CCDC3: variants seen among roughly 807,000 people sequenced by gnomAD.
The protein encoded by CCDC3 is coiled-coil domain-containing protein 3.
A neutral mutation model predicts 21.4 loss-of-function variants in CCDC3; 24 were observed. That is an observed-to-expected ratio of 1.12 (90% CI 0.81 to 1.58). The LOEUF (loss-of-function observed/expected upper bound fraction) is 1.58. Ranked by LOEUF, CCDC3 falls within the 40% of genes most tolerant of loss-of-function variation. CCDC3 has a pLI of 0.00. For synonymous variants in CCDC3, 186 were observed against 166.0 expected (o/e 1.12, Z -0.93); for missense variants, 425 against 360.9 (o/e 1.18, Z -1.44).
chr10:13,097,610 G>A (rs1832644506), intron 3 of CCDC3, among the ~76,000 whole-genome samples: 2 of 152,190 alleles, frequency 1.3e-5, no homozygotes. Context: ...TGTAATCCCA[G>A]CCACTTGGGA....
intron 5 of CCDC3, among the ~76,000 whole-genome samples, chr10:13,028,956 C>T (rs1836262316): frequency 1.3e-5 from 2 of 152,160 alleles, no homozygotes; most frequent in Admixed American, 6.6e-5. Context: ...TCCATAATTC[C>T]AGCTGCCAGC....
intron 5 of CCDC3, among the ~76,000 whole-genome samples, chr10:13,012,982 T>A (rs942714613): frequency 1.3e-5 from 2 of 152,174 alleles, no homozygotes; most frequent in Non-Finnish European, 2.9e-5. Flanking sequence ...AAACTTAAAA[T>A]TTTTATATTC....
chr10:13,022,342 C>T (rs560935313), intron 5 of CCDC3, among the ~76,000 whole-genome samples: 1 of 152,196 alleles, frequency 6.6e-6, no homozygotes, highest in African/African-American at 2.4e-5. Flanking sequence ...CTTGCTCCCT[C>T]CTTAAAGTTA....
chr10:13,088,375 G>A (rs1295178355), intron 3 of CCDC3, among the ~76,000 whole-genome samples: 3 of 152,186 alleles, frequency 2.0e-5, no homozygotes, highest in African/African-American at 2.4e-5. Flanking sequence ...AAAAGGAAAC[G>A]TGAATTGAGC....
intron 2 of CCDC3, among the ~76,000 whole-genome samples, chr10:12,918,808 C>A (rs966239570): frequency 6.6e-6 from 1 of 152,130 alleles, no homozygotes; most frequent in Admixed American, 6.5e-5. Flanking sequence ...AATCCCAGAA[C>A]TTTGGGAGGC....
chr10:13,077,873 T>G (rs1169705384), intron 3 of CCDC3, among the ~76,000 whole-genome samples: 2 of 152,180 alleles, frequency 1.3e-5, no homozygotes, highest in African/African-American at 4.8e-5. Flanking sequence ...ATGGATTAAA[T>G]ACTTAAATGT....
At chr10:12,908,366 T>G (rs893380948) in intron 2 of CCDC3, among the ~76,000 whole-genome samples, 2 of 152,206 alleles carry the variant, frequency 1.3e-5, no homozygotes, top group African/African-American at 4.8e-5. Context: ...CGGTCTCTGG[T>G]GGAGATCTCC....
chr10:13,064,822 G>T (rs1836804756), intron 4 of CCDC3, among the ~76,000 whole-genome samples: 1 of 152,136 alleles, frequency 6.6e-6, no homozygotes, highest in South Asian at 2.1e-4. Flanking sequence ...CACTGGTTCT[G>T]TCCTGAAAGG....
chr10:13,001,832 C>CGGGTCCCGGCGCCGGCT (rs1304736508), upstream of CCDC3: 2 of 153,118 alleles, frequency 1.3e-5, no homozygotes, highest in Admixed American at 6.6e-5. Flanking sequence ...GGGAGTCGGG[C>CGGGTCCCGGCGCCGGCT]GGGTCCCGGC....
intron 5 of CCDC3, among the ~76,000 whole-genome samples, chr10:13,027,740 A>G (rs1469101996): frequency 6.6e-6 from 1 of 151,878 alleles, no homozygotes; most frequent in Non-Finnish European, 1.5e-5. Context: ...AAACAAAAAA[A>G]AACTACTCAG....
intron 4 of CCDC3, among the ~76,000 whole-genome samples, chr10:13,059,079 A>G (rs1233295270): frequency 1.3e-5 from 2 of 152,240 alleles, no homozygotes; most frequent in East Asian, 3.8e-4. Flanking sequence ...ACTGTCCACC[A>G]AAGTTTGGTG....
chr10:13,000,094 G>A (rs1049877198), intron 1 of CCDC3, among the ~76,000 whole-genome samples: 2 of 152,146 alleles, frequency 1.3e-5, no homozygotes, highest in Non-Finnish European at 2.9e-5. Context: ...AGAGAAATGC[G>A]AGCTAAAAGT....
intron 5 of CCDC3, among the ~76,000 whole-genome samples, chr10:13,024,384 A>G (rs1187209734): frequency 6.6e-6 from 1 of 152,180 alleles, no homozygotes; most frequent in Non-Finnish European, 1.5e-5. Flanking sequence ...CTCTGGCTGC[A>G]TGTCAGGATG....
intron 2 of CCDC3, among the ~76,000 whole-genome samples, chr10:12,964,975 A>G (rs950297161): frequency 9.2e-5 from 14 of 152,188 alleles, no homozygotes; most frequent in Non-Finnish European, 1.8e-4. Context: ...TTATCTGCCT[A>G]AAGACAAAAC....
rs575418246 is a variant in CCDC3, at chr10:12,945,414, A to AG, written c.550-46736dup. ...TGTTCCACAGTGAGAAAAAAAGTAT[A>AG]GGGAAAAAAAAAACCCCGAATGGAT... On this transcript the variant is annotated intron_variant, in intron 2 of 2. Coordinates refer to ENST00000378825, the MANE Select transcript of CCDC3 (RefSeq NM_031455.4). Among the ~76,000 whole-genome samples, 171 of 152,120 alleles carry AG rather than the reference A, an allele frequency of 1.1e-3. 1 individual carries two copies. The highest frequency in any genetic ancestry group is 3.7e-3 in the African/African-American group (155 of 41,518).
chr10:13,097,877 C>G (rs887549668), intron 3 of CCDC3, among the ~76,000 whole-genome samples: 2 of 152,182 alleles, frequency 1.3e-5, no homozygotes, highest in African/African-American at 4.8e-5. Context: ...TTTTCCTTCA[C>G]AAAACAAATT....
At chr10:12,993,827 T>C (rs1427804539) in intron 2 of CCDC3, among the ~76,000 whole-genome samples, 1 of 152,170 alleles carries the variant, frequency 6.6e-6, no homozygotes, top group African/African-American at 2.4e-5. Flanking sequence ...GGTGGGATAT[T>C]TGAAGATGGA....
chr10:13,031,259 G>A (rs1181740436), intron 5 of CCDC3, among the ~76,000 whole-genome samples: 4 of 152,240 alleles, frequency 2.6e-5, no homozygotes, highest in Middle Eastern at 3.4e-3. Context: ...GGTAAATAAC[G>A]AAATGAAGGC....
Position 13,042,684 on chromosome 10 carries a change from G to A in CCDC3, c.-2+6990C>T, listed in dbSNP as rs189565383. On this transcript the variant is annotated intron_variant, in intron 5 of 6. Transcript: ENST00000378839. Reference sequence around the variant, plus strand: ...AGCACTTTGGGAGGCTGAGGTGGGCGGATCACGAGGTCAGGAGATCGAGAC... The same window carrying A: ...AGCACTTTGGGAGGCTGAGGTGGGCAGATCACGAGGTCAGGAGATCGAGAC... Among the ~76,000 whole-genome samples the A allele has an allele frequency of 7.4e-3, 1,126 of 151,738 alleles. 10 individuals carry two copies. The highest frequency in any genetic ancestry group is 8.6e-3 in the Non-Finnish European group (586 of 67,922).
Sources: allele counts gnomAD v4.1 joint callset (sites outside exome capture counted in the v4.1 genomes callset), GRCh38; gene constraint gnomAD v4.1.1; transcripts MANE v1.5; gene names NCBI Gene and HGNC (gene_info 2026-07-23, HGNC 2026-07-21).